POR: variants seen among roughly 807,000 people sequenced by gnomAD.
The protein encoded by POR is cytochrome p450 oxidoreductase.
Under a neutral mutation model 84.0 loss-of-function variants are expected in POR, and 56 were observed. The observed-to-expected ratio is 0.67, with a 90% CI of 0.54 to 0.83. The LOEUF is 0.83. Among genes scored for constraint, POR ranks in the 40% least tolerant of loss-of-function variants. The probability of loss-of-function intolerance (pLI) is 0.00; values close to 1 mark genes in which losing one functional copy is unlikely to be tolerated. For synonymous variants in POR, 414 were observed against 400.5 expected (o/e 1.03, Z -0.40); for missense variants, 938 against 944.3 (o/e 0.99, Z 0.09).
At chr7:75,961,834 C>G (rs1258029570) in intron 2 of POR, among the ~76,000 whole-genome samples, 2 of 152,090 alleles carry the variant, frequency 1.3e-5, no homozygotes, top group African/African-American at 4.8e-5. Context: ...GGTAGCATAG[C>G]AAGACCCCGT....
At chr7:75,934,942 G>A (rs1245872530) in intron 1 of POR, among the ~76,000 whole-genome samples, 1 of 152,184 alleles carries the variant, frequency 6.6e-6, no homozygotes, top group Non-Finnish European at 1.5e-5. Context: ...ACCTCTGGTA[G>A]GAGAGGAATG....
intron 2 of POR, among the ~76,000 whole-genome samples, chr7:75,965,986 G>A (rs991093467): frequency 3.9e-5 from 6 of 152,142 alleles, no homozygotes; most frequent in South Asian, 4.1e-4. Flanking sequence ...CAGGAACCCC[G>A]GGTGCTGGGC....
chr7:75,974,383 T>C (rs1554556601), intron 3 of POR, among the ~76,000 whole-genome samples: 1 of 152,088 alleles, frequency 6.6e-6, no homozygotes, highest in East Asian at 1.9e-4. Context: ...CAGTTTGTTA[T>C]TAAAGTTTAG....
chr7:75,984,985 C>T (rs1789326217), intron 11 of POR, 27 bp downstream of exon 11: 1 of 1,575,304 alleles, frequency 6.3e-7, no homozygotes, highest in Non-Finnish European at 8.6e-7. Context: ...CCCGCAACCT[C>T]CGCCCCGTCA....
At chr7:75,935,915 C>T (rs1213632716) in intron 1 of POR, among the ~76,000 whole-genome samples, 2 of 151,474 alleles carry the variant, frequency 1.3e-5, no homozygotes, top group Admixed American at 6.6e-5. Context: ...TTTATTAGAA[C>T]GTCTTTGCTT....
chr7:75,982,322 C>T lies in POR; in HGVS notation c.830C>T (p.Pro277Leu), dbSNP rs369749344. The change falls in exon 8 of 16, where the codon CCC becomes CTC. Residue 277 changes from proline (P) to leucine (L), a missense_variant and splice_region_variant. Transcript: ENST00000461988. ...CTGAAGAGCTACGAGAACCAGAAGC[C>T]GTGAGTGGAGGGAGCGTGGCTTGGG... is the stretch of plus-strand genomic sequence containing the variant. The T allele has an allele frequency of 2.5e-5, 40 of 1,609,964 alleles. No individual in the cohort carries two copies. The highest frequency in any genetic ancestry group is 2.8e-5 in the Non-Finnish European group (33 of 1,178,292).
intron 3 of POR, among the ~76,000 whole-genome samples, chr7:75,974,547 G>A (rs1554556620): frequency 1.0e-5 from 1 of 98,474 alleles, no homozygotes; most frequent in African/African-American, 4.3e-5. Context: ...TTTTTTTTGA[G>A]ACAGGGTCTC....
intron 7 of POR, 23 bp downstream of exon 7, chr7:75,981,629 G>A (rs200838726): frequency 2.9e-5 from 47 of 1,604,598 alleles, no homozygotes; most frequent in Non-Finnish European, 3.2e-5. Flanking sequence ...CCGCAGGTGC[G>A]GTGGGTGGCC....
At chr7:75,957,033 A>G (rs1232530847) in intron 2 of POR, among the ~76,000 whole-genome samples, 2 of 152,160 alleles carry the variant, frequency 1.3e-5, no homozygotes, top group African/African-American at 2.4e-5. Context: ...GCCACAGCGT[A>G]CTTTTTAGAA....
intron 1 of POR, among the ~76,000 whole-genome samples, chr7:75,926,548 C>T (rs1210239928): frequency 6.6e-6 from 1 of 152,092 alleles, no homozygotes; most frequent in African/African-American, 2.4e-5. Flanking sequence ...GTAATCCCAG[C>T]ACTTTGGGAG....
At position 75,926,905 on chromosome 7, in the gene POR, G is replaced by A. The variant is rs141169686; in HGVS notation, c.-5+11726G>A. On this transcript the variant is annotated intron_variant, in intron 1 of 15. Transcript: ENST00000461988. ...CACCCAGACACGAGACCAATCCTGT[G>A]TCCTTCTGCAGGGATTATTTCATCT... Among the ~76,000 whole-genome samples the A allele has an allele frequency of 2.2e-3, 336 of 152,298 alleles. 3 individuals are homozygous for A. The highest frequency in any genetic ancestry group is 7.5e-3 in the African/African-American group (310 of 41,554).
intron 1 of POR, among the ~76,000 whole-genome samples, chr7:75,917,621 T>C (rs1428932277): frequency 6.6e-6 from 1 of 152,062 alleles, no homozygotes; most frequent in Admixed American, 6.6e-5. Context: ...AAAGGTGAAA[T>C]GGAGAAATGA....
In POR at chr7:75,979,597, G is replaced by C. The variant is rs370945248; in HGVS notation, c.366+18G>C. On this transcript the variant is annotated intron_variant, in intron 4 of 15. Coordinates refer to ENST00000461988, the MANE Select transcript of POR (RefSeq NM_000941.3). ...ATGACCTGGTAAGCTGCCACCGCGT[G>C]CTGGCCCCAGATGGAGGCAGTGGGT... 12 of 1,611,862 alleles carry C rather than the reference G, an allele frequency of 7.4e-6. No homozygotes were observed. The highest frequency in any genetic ancestry group is 1.0e-5 in the Non-Finnish European group (12 of 1,179,466).
At chr7:75,933,322 A>G (rs897468742) in intron 1 of POR, among the ~76,000 whole-genome samples, 2 of 151,344 alleles carry the variant, frequency 1.3e-5, no homozygotes, top group Admixed American at 6.6e-5. Context: ...GCAGTCTTCA[A>G]GAGTACAACA....
chr7:75,929,931 G>T (rs1416469009), intron 1 of POR, among the ~76,000 whole-genome samples: 1 of 152,156 alleles, frequency 6.6e-6, no homozygotes, highest in Non-Finnish European at 1.5e-5. Context: ...ACCATTATGG[G>T]CCAGGAGTTG....
chr7:75,934,122 AGTGTGT>A (rs58236447), intron 1 of POR, among the ~76,000 whole-genome samples: 13,811 of 126,694 alleles, frequency 0.11, 672 homozygotes, highest in Non-Finnish European at 0.14. Context: ...AAGACCTCAG[AGTGTGT>A]GTGTGTGTGT....
At position 75,918,901 on chromosome 7, in the gene POR, C is replaced by T. The variant is rs80140247; in HGVS notation, c.-5+3722C>T. On this transcript the variant is annotated intron_variant, in intron 1 of 15. Transcript: ENST00000461988. ...TGTAGATTGCATGAGGCTGAGGTCG[C>T]GTGGTGGCACTTGTCTGAAATGGTC... Among the ~76,000 whole-genome samples, 1,033 of 150,508 alleles carry T rather than the reference C, an allele frequency of 6.9e-3. 8 individuals are homozygous for T. Among genetic ancestry groups the T allele is most frequent in the Middle Eastern group, 0.024 (7 of 288 alleles).
chr7:75,926,644 A>G (rs1276525328), intron 1 of POR, among the ~76,000 whole-genome samples: 1 of 152,042 alleles, frequency 6.6e-6, no homozygotes, highest in Admixed American at 6.5e-5. Flanking sequence ...AAAATACAAA[A>G]TTAGCCGGGC....
chr7:75,960,914 T>C (rs60279674), intron 2 of POR, among the ~76,000 whole-genome samples: 7,015 of 152,124 alleles, frequency 0.046, 506 homozygotes, highest in African/African-American at 0.16. Flanking sequence ...TTTTAAAAAA[T>C]ATTTTAATTA....
Sources: allele counts gnomAD v4.1 joint callset (sites outside exome capture counted in the v4.1 genomes callset), GRCh38; gene constraint gnomAD v4.1.1; transcripts MANE v1.5; gene names NCBI Gene and HGNC (gene_info 2026-07-23, HGNC 2026-07-21).